Variants in EFCAB7 observed in about 807,000 individuals in gnomAD.
The protein encoded by EFCAB7 is EF-hand calcium binding domain 7.
A neutral mutation model predicts 77.1 loss-of-function variants in EFCAB7; 66 were observed. The ratio of observed to expected loss-of-function variants is 0.86; its 90% CI spans 0.70 to 1.05. The LOEUF is 1.05. Ranked by LOEUF, EFCAB7 falls within the 50% of genes least tolerant of loss-of-function variation. The probability of loss-of-function intolerance (pLI) is 0.00; values close to 1 mark genes in which losing one functional copy is unlikely to be tolerated. For synonymous variants in EFCAB7, 225 were observed against 243.3 expected (o/e 0.92, Z 0.70); for missense variants, 638 against 730.5 (o/e 0.87, Z 1.46).
intron 2 of EFCAB7, among the ~76,000 whole-genome samples, chr1:63,528,675 C>A (rs1443825016): frequency 6.6e-6 from 1 of 151,644 alleles, no homozygotes; most frequent in Non-Finnish European, 1.5e-5. Context: ...ATATTATACA[C>A]CTACTATGTA....
At chr1:63,572,203 C>T (rs1418794653) in intron 13 of EFCAB7, among the ~76,000 whole-genome samples, 2 of 152,174 alleles carry the variant, frequency 1.3e-5, no homozygotes, top group Non-Finnish European at 2.9e-5. Flanking sequence ...CACCACTCTT[C>T]TTTACCCACA....
the EFCAB7 span, among the ~76,000 whole-genome samples, chr1:63,578,152 TTAAG>T: frequency 6.6e-6 from 1 of 152,184 alleles, no homozygotes; most frequent in South Asian, 2.1e-4. Flanking sequence ...TAACTGAACT[TTAAG>T]TGACCTTGAA....
chr1:63,550,597 A>G (rs1299589197), intron 7 of EFCAB7: 2 of 151,824 alleles, frequency 1.3e-5, no homozygotes, highest in Non-Finnish European at 2.9e-5. Context: ...TGAAAATGTT[A>G]ATGTTCGACA....
At chr1:63,527,472 C>T (rs1395642939) in intron 2 of EFCAB7, among the ~76,000 whole-genome samples, 4 of 151,996 alleles carry the variant, frequency 2.6e-5, no homozygotes, top group African/African-American at 4.8e-5. Context: ...TCAGAGACAG[C>T]GGTAGCATTA....
At chr1:63,535,656 T>C (rs1646754025) in intron 6 of EFCAB7, among the ~76,000 whole-genome samples, 2 of 152,236 alleles carry the variant, frequency 1.3e-5, no homozygotes, top group South Asian at 4.1e-4. Flanking sequence ...TAGTGTGCTT[T>C]GGAAAGATTT....
intron 2 of EFCAB7, chr1:63,529,945 G>A (rs1443556439): frequency 1.3e-5 from 2 of 151,974 alleles, no homozygotes; most frequent in African/African-American, 4.8e-5. Context: ...ATGTTGGCCA[G>A]GCTGGTCTTG....
intron 7 of EFCAB7, chr1:63,548,915 C>G (rs914198498): frequency 2.6e-5 from 4 of 154,678 alleles, no homozygotes; most frequent in Non-Finnish European, 5.7e-5. Context: ...AGGTAGAAGG[C>G]AGGGTTGGCT....
downstream of EFCAB7, among the ~76,000 whole-genome samples, chr1:63,574,260 C>G (rs1386900953): frequency 6.6e-6 from 1 of 152,020 alleles, no homozygotes; most frequent in Non-Finnish European, 1.5e-5. Context: ...AGGGTAGAGT[C>G]CCATGATGGA....
intron 2 of EFCAB7, among the ~76,000 whole-genome samples, chr1:63,531,324 C>T (rs1646693774): frequency 6.6e-6 from 1 of 152,008 alleles, no homozygotes; most frequent in Admixed American, 6.6e-5. Context: ...ACATGTTGTC[C>T]TCCAGGTTCA....
At chr1:63,532,610 C>T (rs995430371) in intron 3 of EFCAB7, 60 bp from the exon 4 acceptor site, 1 of 1,326,374 alleles carries the variant, frequency 7.5e-7, no homozygotes. Flanking sequence ...TCCACTGTCC[C>T]CATGAATAAC....
intron 5 of EFCAB7, 25 bp downstream of exon 5, chr1:63,533,674 T>A: frequency 6.7e-7 from 1 of 1,493,004 alleles, no homozygotes; most frequent in Non-Finnish European, 9.0e-7. Context: ...CACTAAGAAT[T>A]TCTTGATCAG....
chr1:63,541,628 G>A (rs6702147), intron 6 of EFCAB7, among the ~76,000 whole-genome samples: 20,985 of 151,706 alleles, frequency 0.14, 1,563 homozygotes, highest in Middle Eastern at 0.25. Context: ...ACAGTGGCAC[G>A]ATCTCAGCTC....
At chr1:63,575,070 GTTT>G (rs1325422623), downstream of EFCAB7, among the ~76,000 whole-genome samples, 1 of 151,964 alleles carries the variant, frequency 6.6e-6, no homozygotes, top group Non-Finnish European at 1.5e-5. Context: ...TTACCCAGAT[GTTT>G]TTATTTCATT....
the EFCAB7 span, among the ~76,000 whole-genome samples, chr1:63,579,416 G>C: frequency 2.6e-5 from 4 of 152,144 alleles, no homozygotes; most frequent in African/African-American, 9.7e-5. Context: ...TTGCTGAGTA[G>C]TATTTTATTA....
Position 63,531,889 on chromosome 1 carries a change from A to T in EFCAB7, c.257A>T (p.Lys86Ile), listed in dbSNP as rs1281732744. The stretch of plus-strand genomic sequence containing the variant: ...AAGTATTGGACTCCTCAAACTGCCA[A>T]ACTGAATTTTGATGATTTTTGTATA... ...INKYWTPQTA[K>I]LNFDDFCIIL... Residue 86 changes from lysine to isoleucine, a missense_variant, in exon 3 of 14, where the codon AAA (lysine) becomes ATA (isoleucine). By Grantham distance (102) the Lys-to-Ile change is moderately radical (BLOSUM62 -3). Coordinates refer to ENST00000371088, the MANE Select transcript of EFCAB7 (RefSeq NM_032437.4). 1 of 1,613,364 alleles carries T rather than the reference A, an allele frequency of 6.2e-7. No individual in the cohort carries two copies. Among genetic ancestry groups the T allele is most frequent in the Non-Finnish European group, 8.5e-7 (1 of 1,179,548 alleles).
At chr1:63,556,803 A>G (rs1383587929) in intron 9 of EFCAB7, among the ~76,000 whole-genome samples, 1 of 151,426 alleles carries the variant, frequency 6.6e-6, no homozygotes, top group African/African-American at 2.4e-5. Flanking sequence ...CGGGCGGATC[A>G]CGAGGTCAGG....
chr1:63,528,429 G>A (rs188078641), intron 2 of EFCAB7, among the ~76,000 whole-genome samples: 32 of 152,120 alleles, frequency 2.1e-4, no homozygotes, highest in Admixed American at 1.8e-3. Flanking sequence ...GGTTACCAGA[G>A]GCTGAGAAAG....
the EFCAB7 span, among the ~76,000 whole-genome samples, chr1:63,581,870 A>G: frequency 6.6e-6 from 1 of 152,250 alleles, no homozygotes; most frequent in Admixed American, 6.5e-5. Context: ...AATCTATTAT[A>G]AAAAGTTAAA....
At chr1:63,561,639 A>G in intron 10 of EFCAB7, 70 bp from the exon 11 acceptor site, 2 of 960,352 alleles carry the variant, frequency 2.1e-6, no homozygotes. Flanking sequence ...ATAATAATAT[A>G]TCATAGACAT....
Sources: allele counts gnomAD v4.1 joint callset (sites outside exome capture counted in the v4.1 genomes callset), GRCh38; gene constraint gnomAD v4.1.1; transcripts MANE v1.5; gene names NCBI Gene and HGNC (gene_info 2026-07-23, HGNC 2026-07-21).